The following DIAPH2 variants were observed in gnomAD, a reference collection of about 807,000 sequenced individuals.
The protein encoded by DIAPH2 is protein diaphanous homolog 2.
In DIAPH2, 35 loss-of-function variants were observed where a neutral mutation model predicts 92.7. The observed-to-expected ratio is 0.38, with a 90% CI of 0.29 to 0.50. The LOEUF (loss-of-function observed/expected upper bound fraction) is 0.50, where lower values mean the gene tolerates loss of function less well. DIAPH2 is among the 20% of genes least tolerant of loss of function. The pLI is 0.94. For synonymous variants in DIAPH2, 301 were observed against 280.4 expected (o/e 1.07, Z -0.73); for missense variants, 701 against 819.5 (o/e 0.86, Z 1.77).
intron 26 of DIAPH2, among the ~76,000 whole-genome samples, chrX:97,584,092 G>T (rs1393391362): frequency 8.9e-6 from 1 of 112,538 alleles, no homozygotes; most frequent in East Asian, 2.8e-4. Flanking sequence ...CTAGTGAGAT[G>T]AACCCGGTAC....
intron 17 of DIAPH2, among the ~76,000 whole-genome samples, chrX:96,992,824 G>A (rs979311613): frequency 1.8e-5 from 2 of 111,441 alleles, no homozygotes; most frequent in African/African-American, 6.5e-5. Context: ...GTGTTCAAAG[G>A]GCAGAATAAA....
chrX:96,904,941 T>C (rs991874038), intron 5 of DIAPH2, among the ~76,000 whole-genome samples: 8 of 111,868 alleles, frequency 7.2e-5, no homozygotes, highest in Non-Finnish European at 1.5e-4. Flanking sequence ...AACCCTGAAC[T>C]ATCATTCATT....
intron 26 of DIAPH2, among the ~76,000 whole-genome samples, chrX:97,490,368 T>A (rs1025689986): frequency 9.0e-6 from 1 of 110,558 alleles, no homozygotes; most frequent in Non-Finnish European, 1.9e-5. Flanking sequence ...TCACTGATTT[T>A]TTTTCTACTG....
intron 22 of DIAPH2, among the ~76,000 whole-genome samples, chrX:97,152,354 A>G (rs761551115): frequency 4.4e-5 from 5 of 112,381 alleles, no homozygotes; most frequent in Non-Finnish European, 7.5e-5. Flanking sequence ...TTTAGCAAAT[A>G]TAACATTTCC....
chrX:97,348,587 A>G (rs893843887), intron 24 of DIAPH2, among the ~76,000 whole-genome samples: 3 of 112,256 alleles, frequency 2.7e-5, no homozygotes, highest in Non-Finnish European at 5.6e-5. Context: ...ATATAGCATA[A>G]TATTATAATT....
At chrX:97,086,340 A>T (rs1483529415) in intron 19 of DIAPH2, among the ~76,000 whole-genome samples, 1 of 112,023 alleles carries the variant, frequency 8.9e-6, no homozygotes, top group African/African-American at 3.3e-5. Flanking sequence ...AACCTAAAAA[A>T]GTCAAACTCA....
intron 26 of DIAPH2, among the ~76,000 whole-genome samples, chrX:97,538,235 T>C (rs1363381997): frequency 1.8e-5 from 2 of 111,819 alleles, no homozygotes; most frequent in African/African-American, 6.5e-5. Context: ...TATTTATTGT[T>C]TTAAGCCATT....
intron 23 of DIAPH2, among the ~76,000 whole-genome samples, chrX:97,282,843 G>A (rs2068510095): frequency 9.0e-6 from 1 of 111,553 alleles, no homozygotes; most frequent in Admixed American, 9.5e-5. Context: ...TTACCAAAAT[G>A]CTCTTTTCAG....
intron 17 of DIAPH2, among the ~76,000 whole-genome samples, chrX:97,046,595 GATT>G (rs2066486040): frequency 8.9e-6 from 1 of 111,977 alleles, no homozygotes; most frequent in Non-Finnish European, 1.9e-5. Context: ...CCTTGAAATT[GATT>G]ATTATTACTT....
intron 19 of DIAPH2, among the ~76,000 whole-genome samples, chrX:97,089,543 A>G (rs1018781545): frequency 1.8e-5 from 2 of 111,270 alleles, no homozygotes; most frequent in African/African-American, 6.5e-5. Flanking sequence ...GTCACCATAT[A>G]TTGTCATATA....
At chrX:96,965,989 C>T (rs745654725) in intron 17 of DIAPH2, among the ~76,000 whole-genome samples, 83 of 111,883 alleles carry the variant, frequency 7.4e-4, no homozygotes, top group African/African-American at 2.6e-3. Flanking sequence ...AATCCATACT[C>T]TCATGCCCTT....
chrX:97,273,026 A>G (rs2068403204), intron 23 of DIAPH2, among the ~76,000 whole-genome samples: 1 of 111,463 alleles, frequency 9.0e-6, no homozygotes, highest in Admixed American at 9.6e-5. Flanking sequence ...ATGGTGGCAC[A>G]TGTCTGTAAT....
chrX:96,912,206 A>C (rs951546410), intron 5 of DIAPH2, 122 bp from the exon 6 acceptor site: 1 of 590,236 alleles, frequency 1.7e-6, no homozygotes, highest in Non-Finnish European at 2.7e-6. Context: ...GAATTGAAAA[A>C]ATAATGACAA....
intron 17 of DIAPH2, among the ~76,000 whole-genome samples, chrX:96,977,761 G>A (rs765204699): frequency 9.1e-6 from 1 of 109,642 alleles, no homozygotes; most frequent in Non-Finnish European, 1.9e-5. Flanking sequence ...TTGGCTCAGT[G>A]CAACCTCTGC....
chrX:97,458,445 A>G (rs1292909458), intron 26 of DIAPH2, among the ~76,000 whole-genome samples: 2 of 108,430 alleles, frequency 1.8e-5, no homozygotes, highest in African/African-American at 3.4e-5. Flanking sequence ...TGTCTGATTG[A>G]GTTTATATTT....
chrX:97,132,631 T>C (rs2067145366), intron 21 of DIAPH2, among the ~76,000 whole-genome samples: 1 of 111,715 alleles, frequency 9.0e-6, no homozygotes, highest in African/African-American at 3.3e-5. Flanking sequence ...AGTAGCTGTT[T>C]TGATATGTGC....
rs144673113 is a variant in DIAPH2 at position 97,063,503 on chromosome X, G to A, written c.2051-9438G>A. 7.2e-3 allele frequency among the ~76,000 whole-genome samples: 808 copies of A among 111,680 alleles called. 9 individuals are homozygous for A. Among genetic ancestry groups the A allele is most frequent in the African/African-American group, 0.025 (755 of 30,693 alleles). On this transcript the variant is annotated intron_variant, in intron 17 of 26. Transcript: ENST00000324765. Reference sequence around the variant, plus strand: ...TTTTTAATTTTATTAAAGTTGAGCTGCGTTTTCAGTCATTTTACATGAAAA... The same window carrying A: ...TTTTTAATTTTATTAAAGTTGAGCTACGTTTTCAGTCATTTTACATGAAAA...
intron 22 of DIAPH2, among the ~76,000 whole-genome samples, chrX:97,238,885 C>T (rs908581284): frequency 1.8e-5 from 2 of 111,086 alleles, no homozygotes; most frequent in African/African-American, 3.3e-5. Context: ...TATGCCGTTC[C>T]GCTGATAGTA....
In DIAPH2 at chrX:97,201,141, C is replaced by A. The variant is rs371216430; in HGVS notation, c.2720-46574C>A. Among the ~76,000 whole-genome samples, 412 of 92,295 alleles carry A rather than the reference C, an allele frequency of 4.5e-3. 5 individuals are homozygous for A. Among genetic ancestry groups the A allele is most frequent in the African/African-American group, 0.015 (377 of 24,858 alleles). The allele number at this position is 92,295 out of a possible 115,157, so 80.1% of individuals were successfully genotyped here. ...GCATCAACAAGAAAGACCCCCCCCC[C>A]AAAAAAAACCCCATCCAAAGGTCAT... On this transcript the variant is annotated intron_variant, in intron 22 of 26. Coordinates refer to ENST00000324765, the MANE Select transcript of DIAPH2 (RefSeq NM_006729.5).
Sources: allele counts gnomAD v4.1 joint callset (sites outside exome capture counted in the v4.1 genomes callset), GRCh38; gene constraint gnomAD v4.1.1; transcripts MANE v1.5; gene names NCBI Gene and HGNC (gene_info 2026-07-23, HGNC 2026-07-21).